The following KCTD8 variants were observed in gnomAD, a reference collection of about 807,000 sequenced individuals.
The protein encoded by KCTD8 is BTB/POZ domain-containing protein KCTD8.
KCTD8 carries 27 observed loss-of-function variants against 31.5 expected under a neutral mutation model. That is an observed-to-expected ratio of 0.86 (90% CI 0.63 to 1.18). KCTD8 has a LOEUF of 1.18. KCTD8 is among the 50% of genes most tolerant of loss of function. KCTD8 has a pLI of 0.00. For missense variants in KCTD8, 658 were observed against 647.7 expected, an observed-to-expected ratio of 1.02 and a Z score of -0.17; for synonymous variants, 290 against 280.0, an observed-to-expected ratio of 1.04 and a Z score of -0.36.
chr4:44,447,895 G>A lies in KCTD8; in HGVS notation c.629C>T (p.Thr210Met), dbSNP rs1360656401. 1 of 1,529,050 alleles carries A rather than the reference G, an allele frequency of 6.5e-7. No individual in the cohort carries two copies. The highest frequency in any genetic ancestry group is 8.8e-7 in the Non-Finnish European group (1 of 1,134,924). The allele number at this position is 1,529,050 out of a possible 1,614,324, so 94.7% of individuals were successfully genotyped here. ...GGTGTAGGAGCCCCGGTAGCCCAGC[G>A]TGAGGAAGCCCGAGCGCTTGTCCTG... ...GAQDKRSGFL[T>M]LGYRGSYTTV... The change falls in exon 1 of 2, where the codon ACG becomes ATG. Residue 210 changes from threonine to methionine, a missense_variant. Transcript: ENST00000360029.
intron 1 of KCTD8, among the ~76,000 whole-genome samples, chr4:44,244,092 C>A (rs1715582482): frequency 6.6e-6 from 1 of 152,198 alleles, no homozygotes; most frequent in Non-Finnish European, 1.5e-5. Flanking sequence ...TACTACAGAT[C>A]ATTCCAATTT....
intron 1 of KCTD8, among the ~76,000 whole-genome samples, chr4:44,308,713 A>G (rs1409894753): frequency 1.3e-5 from 2 of 152,134 alleles, no homozygotes; most frequent in Non-Finnish European, 2.9e-5. Context: ...AAAGATAAAA[A>G]CAAGAAAACT....
chr4:44,348,511 T>A (rs1285095729), intron 1 of KCTD8, among the ~76,000 whole-genome samples: 1 of 152,170 alleles, frequency 6.6e-6, no homozygotes, highest in African/African-American at 2.4e-5. Flanking sequence ...TCAGTTTCTG[T>A]TTTTTTGATC....
chr4:44,243,680 C>A (rs760635463), intron 1 of KCTD8, among the ~76,000 whole-genome samples: 2 of 152,170 alleles, frequency 1.3e-5, no homozygotes, highest in Non-Finnish European at 2.9e-5. Context: ...AACCTAAGGA[C>A]TATCACCTTG....
chr4:44,343,138 G>T (rs1399633000), intron 1 of KCTD8, among the ~76,000 whole-genome samples: 3 of 152,102 alleles, frequency 2.0e-5, no homozygotes, highest in Admixed American at 6.6e-5. Flanking sequence ...GATCTGTCTT[G>T]GTTTTTGACA....
At chr4:44,391,338 GT>G (rs1720364630) in intron 1 of KCTD8, among the ~76,000 whole-genome samples, 1 of 151,672 alleles carries the variant, frequency 6.6e-6, no homozygotes, top group South Asian at 2.1e-4. Flanking sequence ...TTTAAAAAGA[GT>G]TATATCAATT....
chr4:44,427,295 C>T (rs754778441), intron 1 of KCTD8, among the ~76,000 whole-genome samples: 3 of 150,826 alleles, frequency 2.0e-5, no homozygotes, highest in Non-Finnish European at 3.0e-5. Flanking sequence ...TATAAAATAC[C>T]GAATTTCAGG....
At chr4:44,302,887 C>T (rs1349171420) in intron 1 of KCTD8, among the ~76,000 whole-genome samples, 3 of 152,094 alleles carry the variant, frequency 2.0e-5, no homozygotes, top group East Asian at 1.9e-4. Context: ...TTTTGAGATA[C>T]GTCCCATCAA....
intron 1 of KCTD8, among the ~76,000 whole-genome samples, chr4:44,318,582 G>GA (rs1718206402): frequency 6.6e-6 from 1 of 152,168 alleles, no homozygotes; most frequent in Non-Finnish European, 1.5e-5. Flanking sequence ...TCTAGATATA[G>GA]AAACAAGGAT....
chr4:44,416,046 G>A (rs1721072663), intron 1 of KCTD8, among the ~76,000 whole-genome samples: 1 of 152,336 alleles, frequency 6.6e-6, no homozygotes, highest in East Asian at 1.9e-4. Flanking sequence ...AAGCCACAGG[G>A]GATGGGATGA....
At chr4:44,188,025 GTCTAACAC>G (rs1267986394) in intron 1 of KCTD8, among the ~76,000 whole-genome samples, 8 of 150,408 alleles carry the variant, frequency 5.3e-5, no homozygotes, top group Non-Finnish European at 8.9e-5. Flanking sequence ...AAAAAAAACA[GTCTAACAC>G]TCTTGTGTTG....
chr4:44,238,641 G>T (rs1011168323), intron 1 of KCTD8, among the ~76,000 whole-genome samples: 1 of 152,226 alleles, frequency 6.6e-6, no homozygotes, highest in African/African-American at 2.4e-5. Context: ...TGTAACTCAA[G>T]AAAATATTCC....
intron 1 of KCTD8, among the ~76,000 whole-genome samples, chr4:44,370,538 C>T (rs1288812220): frequency 6.6e-6 from 1 of 152,160 alleles, no homozygotes; most frequent in African/African-American, 2.4e-5. Context: ...TATTTCTCCT[C>T]TAATATCCTT....
chr4:44,277,130 A>G (rs1430894385), intron 1 of KCTD8, among the ~76,000 whole-genome samples: 1 of 152,030 alleles, frequency 6.6e-6, no homozygotes, highest in African/African-American at 2.4e-5. Context: ...TAAAGTTATT[A>G]ATATTCATGC....
intron 1 of KCTD8, among the ~76,000 whole-genome samples, chr4:44,328,797 T>C (rs1577618779): frequency 1.3e-5 from 2 of 151,878 alleles, no homozygotes; most frequent in Non-Finnish European, 2.9e-5. Context: ...CATTAATCTA[T>C]TAAAATTGCA....
At chr4:44,369,798 T>A (rs560290323) in intron 1 of KCTD8, among the ~76,000 whole-genome samples, 1 of 150,132 alleles carries the variant, frequency 6.7e-6, no homozygotes, top group Admixed American at 6.7e-5. Flanking sequence ...AGATTCTGCC[T>A]CAAAAATATA....
At chr4:44,180,298 A>G (rs1353019920) in intron 1 of KCTD8, among the ~76,000 whole-genome samples, 1 of 152,210 alleles carries the variant, frequency 6.6e-6, no homozygotes, top group Non-Finnish European at 1.5e-5. Flanking sequence ...AGATTAGTGA[A>G]TAAGCAAGTC....
intron 1 of KCTD8, among the ~76,000 whole-genome samples, chr4:44,385,766 A>C (rs1720196893): frequency 6.6e-6 from 1 of 151,680 alleles, no homozygotes; most frequent in Admixed American, 6.6e-5. Flanking sequence ...ATGAAAAGAC[A>C]ACCCACAGAA....
intron 1 of KCTD8, among the ~76,000 whole-genome samples, chr4:44,232,262 T>C (rs1158965225): frequency 2.0e-5 from 3 of 152,090 alleles, no homozygotes; most frequent in Non-Finnish European, 4.4e-5. Flanking sequence ...CCTCAAACTC[T>C]CTTAATGGTT....
Sources: allele counts gnomAD v4.1 joint callset (sites outside exome capture counted in the v4.1 genomes callset), GRCh38; gene constraint gnomAD v4.1.1; transcripts MANE v1.5; gene names NCBI Gene and HGNC (gene_info 2026-07-23, HGNC 2026-07-21).